The following KDM1B variants were observed in gnomAD, a reference collection of about 807,000 sequenced individuals.
KDM1B encodes lysine-specific histone demethylase 2.
KDM1B carries 63 observed loss-of-function variants against 107.4 expected under a neutral mutation model. The ratio of observed to expected loss-of-function variants is 0.59; its 90% CI spans 0.48 to 0.72. The LOEUF is 0.72. Ranked by LOEUF, KDM1B falls within the 30% of genes least tolerant of loss-of-function variation. KDM1B has a pLI of 0.00. For synonymous variants in KDM1B, 363 were observed against 363.9 expected, an observed-to-expected ratio of 1.00 and a Z score of 0.03; for missense variants, 749 against 1,020.8, an observed-to-expected ratio of 0.73 and a Z score of 3.63.
In KDM1B at chr6:18,185,659, G is replaced by A. The variant is rs915454120; in HGVS notation, c.535-113G>A. 4 of 923,646 alleles carry A rather than the reference G, an allele frequency of 4.3e-6. No homozygotes were observed. In the African/African-American group the frequency reaches 6.5e-5, roughly 15 times the overall value. 57.2% of individuals were successfully genotyped at this position (923,646 alleles called of 1,614,324 possible). ...GATTTATACATTGTTTCATAAAAAT[G>A]CTTTTCTTTGCCAGCCTGATAGGTG... On this transcript the variant is annotated intron_variant, in intron 7 of 21. Transcript: ENST00000650836.
intron 5 of KDM1B, among the ~76,000 whole-genome samples, chr6:18,164,343 G>T (rs1785155184): frequency 6.6e-6 from 1 of 152,030 alleles, no homozygotes; most frequent in Admixed American, 6.6e-5. Context: ...GGTATGGCTG[G>T]CCTTGAATTC....
At chr6:18,221,194 A>C (rs548589816) in intron 21 of KDM1B, among the ~76,000 whole-genome samples, 1 of 152,024 alleles carries the variant, frequency 6.6e-6, no homozygotes, top group East Asian at 1.9e-4. Context: ...AGTTTAGGTG[A>C]CTACACTTCA....
chr6:18,215,558 C>A (rs1789157013), intron 20 of KDM1B, among the ~76,000 whole-genome samples: 1 of 152,128 alleles, frequency 6.6e-6, no homozygotes, highest in Non-Finnish European at 1.5e-5. Flanking sequence ...GGCGACCTCA[C>A]TTTAAAGTAA....
intron 7 of KDM1B, among the ~76,000 whole-genome samples, chr6:18,178,997 C>T (rs1017493542): frequency 6.6e-6 from 1 of 152,202 alleles, no homozygotes; most frequent in Non-Finnish European, 1.5e-5. Flanking sequence ...TTCCTGACTT[C>T]AGGAGGAATG....
chr6:18,218,845 G>T (rs1789445855), intron 21 of KDM1B, among the ~76,000 whole-genome samples: 2 of 152,058 alleles, frequency 1.3e-5, no homozygotes, highest in South Asian at 4.1e-4. Context: ...GATTACTGCA[G>T]AGTGTCCTCC....
chr6:18,206,994 T>C (rs1788418126), intron 15 of KDM1B, among the ~76,000 whole-genome samples: 1 of 152,188 alleles, frequency 6.6e-6, no homozygotes, highest in African/African-American at 2.4e-5. Context: ...TGGTTCTGCA[T>C]TGTGATTGGA....
rs951750998 is a variant in KDM1B, at chr6:18,207,267, C to T, written c.1660-131C>T. ...TTTCCTCCCCCAGTGGTGGTCTCTGCCTAGGCTGGTCTGCCTGTCCCCTGC... is the reference window on the plus strand; with the variant it reads ...TTTCCTCCCCCAGTGGTGGTCTCTGTCTAGGCTGGTCTGCCTGTCCCCTGC... On this transcript the variant is annotated intron_variant, in intron 15 of 21. Coordinates refer to ENST00000650836, the MANE Select transcript of KDM1B (RefSeq NM_001364614.2). The T allele has an allele frequency of 5.9e-6, 5 of 854,588 alleles. No homozygotes were observed. The African/African-American group carries it at 8.3e-5, about 14-fold the overall frequency. The allele number at this position is 854,588 out of a possible 1,614,324, so 52.9% of individuals were successfully genotyped here.
Position 18,161,453 on chromosome 6 carries a change from AG to A in KDM1B, c.215+1del, listed in dbSNP as rs775935467. ...TGTGTGCTTTGCAAGTGCTTCTGAA[AG>A]GTCTGTTTAGATGTGTGTCTTGGCC... ...CPVCFASASE[R>X]CAKNGYTSRW... On this transcript the variant is annotated frameshift_variant and splice_region_variant, in exon 4 of 22. Coordinates refer to ENST00000650836, the MANE Select transcript of KDM1B (RefSeq NM_001364614.2). LOFTEE classifies it high-confidence loss of function. 1 of 1,613,948 alleles carries A rather than the reference AG, an allele frequency of 6.2e-7. No homozygotes were observed. Among genetic ancestry groups the A allele is most frequent in the South Asian group, 1.1e-5 (1 of 91,084 alleles).
At position 18,215,963 on chromosome 6, in the gene KDM1B, A is replaced by C. The variant is rs562920855; in HGVS notation, c.2232+834A>C. ...TCTCACCATCTCTGGAGATTTGTAA[A>C]TGGCCATGGCTTATATCTTTTTGAA... On this transcript the variant is annotated intron_variant, in intron 20 of 21. Coordinates refer to ENST00000650836, the MANE Select transcript of KDM1B (RefSeq NM_001364614.2). 2.0e-5 allele frequency among the ~76,000 whole-genome samples: 3 copies of C among 152,288 alleles called. No homozygotes were observed. The East Asian group carries it at 5.8e-4, about 29-fold the overall frequency.
chr6:18,220,374 C>T (rs555182672), intron 21 of KDM1B, among the ~76,000 whole-genome samples: 55 of 152,262 alleles, frequency 3.6e-4, no homozygotes, highest in African/African-American at 1.2e-3. Flanking sequence ...CATGGTGAAA[C>T]CCCGTCACTA....
intron 20 of KDM1B, among the ~76,000 whole-genome samples, chr6:18,215,698 T>A (rs1365786250): frequency 6.6e-6 from 1 of 152,136 alleles, no homozygotes; most frequent in Non-Finnish European, 1.5e-5. Context: ...TTTTACACAA[T>A]TGTCTTCCTT....
At chr6:18,184,064 C>T (rs1300208102) in intron 7 of KDM1B, among the ~76,000 whole-genome samples, 4 of 152,138 alleles carry the variant, frequency 2.6e-5, no homozygotes, top group East Asian at 3.9e-4. Flanking sequence ...GCCAAGTACT[C>T]ATTTAGCTGG....
At position 18,221,898 on chromosome 6, in the gene KDM1B, A is replaced by T. The variant is rs1221875622; in HGVS notation, c.2386-11A>T. The T allele has an allele frequency of 6.3e-7, 1 of 1,588,544 alleles. No individual in the cohort carries two copies. The highest frequency in any genetic ancestry group is 8.6e-7 in the Non-Finnish European group (1 of 1,165,172). On this transcript the variant is annotated splice_polypyrimidine_tract_variant and intron_variant, in intron 21 of 21. Transcript: ENST00000650836. ...ATGCATGATCTCAAATTATGTAATT[A>T]TGTTTTACAGGCAACAAACAGGCAT...
rs1561927369 is a variant in KDM1B, at chr6:18,186,288, C to A, written c.573+478C>A. Among the ~76,000 whole-genome samples, 2 of 152,206 alleles carry A rather than the reference C, an allele frequency of 1.3e-5. No homozygotes were observed. Among genetic ancestry groups the A allele is most frequent in the South Asian group, 4.1e-4 (2 of 4,834 alleles). Reference sequence around the variant, plus strand: ...ATGGCAGGGGGAGCAGTACTTCCAGCTGGCAAAGCTGGTCACATTTCCTCT... The same window carrying A: ...ATGGCAGGGGGAGCAGTACTTCCAGATGGCAAAGCTGGTCACATTTCCTCT... On this transcript the variant is annotated intron_variant, in intron 8 of 21. Coordinates refer to ENST00000650836, the MANE Select transcript of KDM1B (RefSeq NM_001364614.2). This position sits in a 1 kb window ranked among gnomAD's most constrained non-coding sequence, Gnocchi z 5.6.
intron 6 of KDM1B, among the ~76,000 whole-genome samples, chr6:18,168,127 G>A (rs1785438554): frequency 6.6e-6 from 1 of 152,124 alleles, no homozygotes; most frequent in Admixed American, 6.6e-5. Context: ...TTTTTTCATT[G>A]AAGTAAAATT....
chr6:18,156,678 G>T (rs1328813645), intron 2 of KDM1B, among the ~76,000 whole-genome samples: 1 of 152,002 alleles, frequency 6.6e-6, no homozygotes, highest in African/African-American at 2.4e-5. Context: ...ATATTGGGAG[G>T]CCGAGGTGGG....
intron 10 of KDM1B, among the ~76,000 whole-genome samples, chr6:18,195,111 C>T (rs1478856241): frequency 3.3e-5 from 5 of 152,140 alleles, no homozygotes; most frequent in Admixed American, 6.5e-5. Context: ...TGTTGTAGCA[C>T]GTCAGAACTT....
chr6:18,157,808 CTTTTTTTTTTTTT>C (rs67631382), intron 2 of KDM1B, among the ~76,000 whole-genome samples: 43,874 of 116,058 alleles, frequency 0.38, 7,444 homozygotes, highest in Admixed American at 0.43. Flanking sequence ...GTAGATAGTC[CTTTTTTTTTTTTT>C]TTTTTTTTTG....
rs1163110910 is a variant in KDM1B at position 18,184,273 on chromosome 6, C to CTT, written c.535-1481_535-1480dup. 1.0e-3 allele frequency among the ~76,000 whole-genome samples: 121 copies of CTT among 116,632 alleles called. 2 individuals carry two copies. The highest frequency in any genetic ancestry group is 5.7e-3 in the Middle Eastern group (1 of 176). The allele number at this position is 116,632 out of a possible 152,430, so 76.5% of individuals were successfully genotyped here. A position where few individuals can be genotyped will look rare whatever the true frequency, so the allele number is the denominator to read the frequency against. On this transcript the variant is annotated intron_variant, in intron 7 of 21. Transcript: ENST00000650836. ...TCCTACACTATGATTGTTCTAGCTT[C>CTT]TTTTTTTTTTTTTTTTTTTGAGACG...
Sources: allele counts gnomAD v4.1 joint callset (sites outside exome capture counted in the v4.1 genomes callset), GRCh38; gene constraint gnomAD v4.1.1; non-coding constraint Gnocchi (gnomAD v3.1); transcripts MANE v1.5; gene names NCBI Gene and HGNC (gene_info 2026-07-23, HGNC 2026-07-21).